Variants in LSAMP observed in about 807,000 individuals in gnomAD.
LSAMP encodes limbic system associated membrane protein.
A neutral mutation model predicts 38.6 loss-of-function variants in LSAMP; 7 were observed. That is an observed-to-expected ratio of 0.18 (90% CI 0.10 to 0.34). The LOEUF is 0.34. LSAMP is among the 10% of genes least tolerant of loss of function. LSAMP has a pLI of 1.00. For missense variants in LSAMP, 313 were observed against 420.0 expected, an observed-to-expected ratio of 0.75 and a Z score of 2.23; for synonymous variants, 154 against 166.8, an observed-to-expected ratio of 0.92 and a Z score of 0.59.
intron 3 of LSAMP, among the ~76,000 whole-genome samples, chr3:115,913,301 T>C (rs1937174297): frequency 6.6e-6 from 1 of 152,244 alleles, no homozygotes; most frequent in East Asian, 1.9e-4. Flanking sequence ...ACTATGTTTC[T>C]CTCTGACTTC....
intron 1 of LSAMP, among the ~76,000 whole-genome samples, chr3:116,296,694 C>CAAAAAAAAAAAAAAAA (rs10659032): frequency 1.7e-5 from 1 of 59,698 alleles, no homozygotes; most frequent in Non-Finnish European, 2.9e-5. Context: ...GACTCTGTCT[C>CAAAAAAAAAAAAAAAA]AAAAAAAAAA....
At chr3:115,949,702 G>A (rs1254273709) in intron 3 of LSAMP, among the ~76,000 whole-genome samples, 1 of 151,528 alleles carries the variant, frequency 6.6e-6, no homozygotes, top group East Asian at 1.9e-4. Flanking sequence ...CCAAAAGATA[G>A]AGAAAGAGGG....
chr3:116,409,731 AC>A, intron 1 of LSAMP, among the ~76,000 whole-genome samples: 1 of 152,232 alleles, frequency 6.6e-6, no homozygotes, highest in South Asian at 2.1e-4. Flanking sequence ...ATAATTAATT[AC>A]TAGAAATATT....
At chr3:115,891,163 G>T (rs190016501) in intron 3 of LSAMP, among the ~76,000 whole-genome samples, 2 of 152,000 alleles carry the variant, frequency 1.3e-5, no homozygotes, top group African/African-American at 4.8e-5. Flanking sequence ...CCTCATTGTT[G>T]TGACATAATG....
At chr3:116,179,614 C>A (rs370892127) in intron 1 of LSAMP, among the ~76,000 whole-genome samples, 1 of 151,934 alleles carries the variant, frequency 6.6e-6, no homozygotes, top group Admixed American at 6.6e-5. Flanking sequence ...CTTACATGGC[C>A]GGAGCAGGAG....
intron 1 of LSAMP, among the ~76,000 whole-genome samples, chr3:116,240,102 A>G (rs1291269461): frequency 6.6e-6 from 1 of 152,182 alleles, no homozygotes; most frequent in Non-Finnish European, 1.5e-5. Flanking sequence ...AAATTATACA[A>G]TTGATGATTA....
chr3:115,858,338 A>AT (rs1271057651), intron 3 of LSAMP, among the ~76,000 whole-genome samples: 4 of 152,088 alleles, frequency 2.6e-5, no homozygotes, highest in African/African-American at 9.7e-5. Flanking sequence ...TGGAATTAAA[A>AT]ATTTTTTTAC....
intron 1 of LSAMP, among the ~76,000 whole-genome samples, chr3:116,337,446 T>C (rs932244561): frequency 6.6e-6 from 1 of 152,048 alleles, no homozygotes; most frequent in Non-Finnish European, 1.5e-5. Flanking sequence ...AGGAAAATTA[T>C]AACAGCCATT....
chr3:116,176,501 G>A (rs950557168), intron 1 of LSAMP, among the ~76,000 whole-genome samples: 7 of 152,086 alleles, frequency 4.6e-5, no homozygotes, highest in African/African-American at 1.7e-4. Flanking sequence ...AAAGGATGAA[G>A]CAACCAACTA....
intron 2 of LSAMP, among the ~76,000 whole-genome samples, chr3:116,048,678 T>G (rs1941338273): frequency 6.6e-6 from 1 of 152,242 alleles, no homozygotes; most frequent in Non-Finnish European, 1.5e-5. Context: ...TATTACGTAT[T>G]AGAAACTATG....
chr3:116,263,203 CTA>C (rs2046848623), intron 1 of LSAMP, among the ~76,000 whole-genome samples: 2 of 152,098 alleles, frequency 1.3e-5, no homozygotes, highest in African/African-American at 4.8e-5. Context: ...TCATAATGAA[CTA>C]TGTCTGCTCT....
intron 1 of LSAMP, among the ~76,000 whole-genome samples, chr3:116,335,365 C>A (rs2047904998): frequency 6.6e-6 from 1 of 151,866 alleles, no homozygotes; most frequent in African/African-American, 2.4e-5. Flanking sequence ...GAAACACATC[C>A]TAAAATTTAT....
intron 1 of LSAMP, among the ~76,000 whole-genome samples, chr3:116,439,327 T>TG (rs966388493): frequency 6.6e-6 from 1 of 151,678 alleles, no homozygotes; most frequent in African/African-American, 2.4e-5. Context: ...TTGTTTTTTT[T>TG]TTTTAATGCA....
chr3:116,245,769 C>T (rs1351476345), intron 1 of LSAMP, among the ~76,000 whole-genome samples: 2 of 151,872 alleles, frequency 1.3e-5, no homozygotes, highest in African/African-American at 4.8e-5. Context: ...TAAAGAGAAC[C>T]CAAACTGAGG....
intron 1 of LSAMP, among the ~76,000 whole-genome samples, chr3:116,443,850 A>T (rs1180377561): frequency 6.6e-6 from 1 of 152,186 alleles, no homozygotes; most frequent in Non-Finnish European, 1.5e-5. Flanking sequence ...GAAAGCTAGA[A>T]AAAAGAACAA....
chr3:115,884,518 G>T (rs1292893852), intron 3 of LSAMP, among the ~76,000 whole-genome samples: 1 of 151,680 alleles, frequency 6.6e-6, no homozygotes, highest in Admixed American at 6.6e-5. Context: ...ATTAGTAAAG[G>T]TTGATCATGG....
intron 3 of LSAMP, among the ~76,000 whole-genome samples, chr3:115,963,410 T>C (rs1938693977): frequency 6.6e-6 from 1 of 152,206 alleles, no homozygotes; most frequent in South Asian, 2.1e-4. Context: ...ATATTTGAAT[T>C]TGGAGGCAGT....
At chr3:116,400,397 T>C (rs13075875) in intron 1 of LSAMP, among the ~76,000 whole-genome samples, 18,156 of 150,938 alleles carry the variant, frequency 0.12, 1,401 homozygotes, top group African/African-American at 0.21. Flanking sequence ...TGTCTTTCTC[T>C]CTCTCTCTCC....
At chr3:115,872,206 G>C (rs1360201133) in intron 3 of LSAMP, among the ~76,000 whole-genome samples, 2 of 152,028 alleles carry the variant, frequency 1.3e-5, no homozygotes, top group African/African-American at 4.8e-5. Flanking sequence ...ATAACTCTTG[G>C]GTGGGCATGT....
Sources: allele counts gnomAD v4.1 joint callset (sites outside exome capture counted in the v4.1 genomes callset), GRCh38; gene constraint gnomAD v4.1.1; transcripts MANE v1.5; gene names NCBI Gene and HGNC (gene_info 2026-07-23, HGNC 2026-07-21).